The following NKTR variants were observed in gnomAD, a reference collection of about 807,000 sequenced individuals.
The protein encoded by NKTR is NK-tumor recognition protein.
Under a neutral mutation model 156.3 loss-of-function variants are expected in NKTR, and 67 were observed. The ratio of observed to expected loss-of-function variants is 0.43; its 90% confidence interval spans 0.35 to 0.53. The LOEUF (loss-of-function observed/expected upper bound fraction) is 0.53, where lower values mean the gene tolerates loss of function less well. NKTR is among the 20% of genes least tolerant of loss of function. The probability of loss-of-function intolerance (pLI) is 0.01; values close to 1 mark genes in which losing one functional copy is unlikely to be tolerated. For synonymous variants in NKTR, 640 were observed against 596.6 expected (o/e 1.07, Z -1.06); for missense variants, 1,604 against 1,730.9 (o/e 0.93, Z 1.30).
At chr3:42,618,838 G>T (rs1474531) in intron 3 of NKTR, among the ~76,000 whole-genome samples, 182 bp from the exon 4 acceptor site, 152,332 of 152,334 alleles carry the variant, frequency 1, 76,165 homozygotes, top group Middle Eastern at 1. Flanking sequence ...TGCTGCTTTG[G>T]ATTATTTATT....
chr3:42,637,261 C>T lies in NKTR; in HGVS notation c.1557C>T (p.Tyr519=). The T allele has an allele frequency of 6.2e-7, 1 of 1,613,580 alleles. No individual in the cohort carries two copies. Among genetic ancestry groups the T allele is most frequent in the Non-Finnish European group, 8.5e-7 (1 of 1,179,866 alleles). The stretch of plus-strand genomic sequence containing the variant: ...TAACCCATTCCAGCAGAGACTCATA[C>T]AGATCAAAATCTCACTCACAGTCTT... ...SSLTHSSRDS[Y]RSKSHSQSYS... Residue 519 remains tyrosine (Y), a synonymous_variant, in exon 13 of 17, where the codon TAC becomes TAT. Transcript: ENST00000232978.
rs1446021017 is a variant in NKTR at position 42,647,648 on chromosome 3, G to A, written c.*1673G>A. The stretch of plus-strand genomic sequence containing the variant: ...GGCCAAACAAACAATACTGGATACT[G>A]AATACAAAACAGTATGATTTATATT... On this transcript the variant is annotated 3_prime_UTR_variant, in exon 17 of 17. Coordinates refer to ENST00000232978, the MANE Select transcript of NKTR (RefSeq NM_005385.4). 6.6e-6 allele frequency: 1 copy of A among 152,092 alleles called. No individual in the cohort carries two copies. Among genetic ancestry groups the A allele is most frequent in the Admixed American group, 6.5e-5 (1 of 15,272 alleles). 9.4% of individuals were successfully genotyped at this position (152,092 alleles called of 1,614,324 possible).
At chr3:42,634,734 A>T in intron 11 of NKTR, 34 bp downstream of exon 11, 1 of 1,205,282 alleles carries the variant, frequency 8.3e-7, no homozygotes, top group Non-Finnish European at 1.2e-6. Context: ...GATATTATGT[A>T]TCTAATAAAA....
intron 2 of NKTR, chr3:42,602,688 A>G (rs1159836427): frequency 8.0e-6 from 1 of 124,804 alleles, no homozygotes; most frequent in Non-Finnish European, 1.8e-5. Flanking sequence ...CTTAATCTTT[A>G]TTTTGTAGTG....
Position 42,637,588 on chromosome 3 carries a change from C to T in NKTR, c.1884C>T (p.Pro628=), listed in dbSNP as rs267599825. 6.2e-7 allele frequency: 1 copy of T among 1,610,406 alleles called. No homozygotes were observed. The highest frequency in any genetic ancestry group is 8.5e-7 in the Non-Finnish European group (1 of 1,179,030). Residue 628 remains proline (P), a synonymous_variant, in exon 13 of 17, where the codon CCC becomes CCT. Coordinates refer to ENST00000232978, the MANE Select transcript of NKTR (RefSeq NM_005385.4). ...AGCCTGGACAGAAACCTTGGAAGCC[C>T]TCTTATGAGCGAATTCAGGAAATGA... ...RWKPGQKPWK[P]SYERIQEMKA... is the part of the protein sequence containing the mutation.
chr3:42,604,538 T>C (rs2125757307), intron 2 of NKTR, among the ~76,000 whole-genome samples: 1 of 152,156 alleles, frequency 6.6e-6, no homozygotes, highest in East Asian at 1.9e-4. Context: ...CAGTTGGCTA[T>C]TAGTGTTGGT....
chr3:42,637,117 C>T lies in NKTR; in HGVS notation c.1413C>T (p.Ser471=), dbSNP rs761438607. 6.2e-7 allele frequency: 1 copy of T among 1,607,242 alleles called. No individual in the cohort carries two copies. Among genetic ancestry groups the T allele is most frequent in the South Asian group, 1.1e-5 (1 of 89,706 alleles). The change falls in exon 13 of 17, where the codon TCC becomes TCT. Residue 471 remains serine, a synonymous_variant. Transcript: ENST00000232978. The part of the protein sequence containing the change: ...IPSDIESSKS[S]TRRMKSSCDR... ...CTGACATAGAATCCTCAAAATCTTC[C>T]ACTCGAAGAATGAAATCCTCTTGTG...
intron 2 of NKTR, among the ~76,000 whole-genome samples, chr3:42,614,586 A>C (rs1358812136): frequency 1.3e-5 from 2 of 152,196 alleles, no homozygotes; most frequent in African/African-American, 4.8e-5. Flanking sequence ...AATGAGCTTC[A>C]GTTCAAGTTA....
chr3:42,632,589 G>A lies in NKTR; in HGVS notation c.551-12G>A. ...ATTTAGTACTAATGTTTTTATTAAT[G>A]TTTCTTAAAAGTTTTTGAGAAAAAA... On this transcript the variant is annotated splice_polypyrimidine_tract_variant and intron_variant, in intron 8 of 16. Transcript: ENST00000232978. 6.4e-7 allele frequency: 1 copy of A among 1,555,972 alleles called. No homozygotes were observed. Among genetic ancestry groups the A allele is most frequent in the Non-Finnish European group, 8.8e-7 (1 of 1,139,882 alleles).
At position 42,600,969 on chromosome 3, in the gene NKTR, C is replaced by G. The variant is rs1705355405; in HGVS notation, c.-23-15C>G. The G allele has an allele frequency of 2.0e-6, 3 of 1,505,718 alleles. No homozygotes were observed. Among genetic ancestry groups the G allele is most frequent in the Middle Eastern group, 2.4e-4 (1 of 4,214 alleles). The allele number at this position is 1,505,718 out of a possible 1,614,324, so 93.3% of individuals were successfully genotyped here. On this transcript the variant is annotated splice_polypyrimidine_tract_variant and intron_variant, in intron 1 of 16. Transcript: ENST00000232978. ...TCGCCCCTGCCCTGACCGCTTTTCT[C>G]CCCCTCTCTCCCAGCTCTTGCCGCC...
At chr3:42,630,144 TAGG>T (rs768410289) in intron 6 of NKTR, 568 of 1,001,920 alleles carry the variant, frequency 5.7e-4, no homozygotes, top group Admixed American at 1.1e-3. Context: ...ATAGGGCAAA[TAGG>T]AGGTGCTTTT....
chr3:42,604,051 A>T (rs1278339979), intron 2 of NKTR, among the ~76,000 whole-genome samples: 1 of 152,098 alleles, frequency 6.6e-6, no homozygotes, highest in Non-Finnish European at 1.5e-5. Context: ...GTTTTTATTA[A>T]AGAAATTGGT....
At chr3:42,629,533 G>A (rs1350791426) in intron 6 of NKTR, 1 of 983,912 alleles carries the variant, frequency 1.0e-6, no homozygotes, top group Non-Finnish European at 1.2e-6. Context: ...AATGAATACA[G>A]AAATTTATAT....
In NKTR at chr3:42,643,398, A is replaced by G. The variant is rs1399800686; in HGVS notation, c.4199+3A>G. On this transcript the variant is annotated splice_donor_region_variant and intron_variant, in intron 15 of 16. Transcript: ENST00000232978. ...TATGATCCCCACAGTCGATCCAGGT[A>G]TGAACAGGGATTGGGAAACCACCAG... 2 of 1,613,004 alleles carry G rather than the reference A, an allele frequency of 1.2e-6. No individual in the cohort carries two copies. Among genetic ancestry groups the G allele is most frequent in the Non-Finnish European group, 8.5e-7 (1 of 1,179,062 alleles).
intron 13 of NKTR, among the ~76,000 whole-genome samples, chr3:42,640,385 CTA>C (rs1273585927): frequency 2.0e-5 from 3 of 152,158 alleles, no homozygotes; most frequent in African/African-American, 4.8e-5. Context: ...GAATTAAAAA[CTA>C]AAAATATTTG....
rs1207947248 is a variant in NKTR, at chr3:42,635,213, T to C, written c.1018-8T>C. The C allele has an allele frequency of 5.6e-6, 9 of 1,606,998 alleles. No homozygotes were observed. Among genetic ancestry groups the C allele is most frequent in the African/African-American group, 1.3e-5 (1 of 74,392 alleles). On this transcript the variant is annotated splice_region_variant and splice_polypyrimidine_tract_variant and intron_variant, in intron 11 of 16. Coordinates refer to ENST00000232978, the MANE Select transcript of NKTR (RefSeq NM_005385.4). Reference sequence around the variant, plus strand: ...TTTTTTAAAATACTATTGTTTTTGTTTTTAAAGCGCTATCACACACCTCCA... The same window carrying C: ...TTTTTTAAAATACTATTGTTTTTGTCTTTAAAGCGCTATCACACACCTCCA...
chr3:42,633,283 C>T lies in NKTR; in HGVS notation c.774-297C>T, dbSNP rs1018131939. The T allele has an allele frequency of 1.3e-5, 11 of 864,962 alleles. No homozygotes were observed. The African/African-American group carries it at 2.0e-4, about 15-fold the overall frequency. 53.6% of individuals were successfully genotyped at this position (864,962 alleles called of 1,614,324 possible). A position where few individuals can be genotyped will look rare whatever the true frequency, so the allele number is the denominator to read the frequency against. On this transcript the variant is annotated intron_variant, in intron 9 of 16. Transcript: ENST00000232978. The stretch of plus-strand genomic sequence containing the variant: ...TCTCTGACTCCTGTCCTCAAGCAAT[C>T]CTCCCACCTAAGACCCCTAAAGTAC...
chr3:42,628,786 G>A (rs569600538), intron 6 of NKTR: 1 of 646,644 alleles, frequency 1.5e-6, no homozygotes, highest in African/African-American at 2.0e-5. Context: ...TGGATCACCT[G>A]AGGTCAGGAG....
In NKTR at chr3:42,614,395, G is replaced by A. The variant is rs542801026; in HGVS notation, c.59-3175G>A. On this transcript the variant is annotated intron_variant, in intron 2 of 16. Transcript: ENST00000232978. Reference sequence around the variant, plus strand: ...ATCATAGTTTATGCTTGCCATCACCGAAAATATTTACTAACTAAACTAGTG... The same window carrying A: ...ATCATAGTTTATGCTTGCCATCACCAAAAATATTTACTAACTAAACTAGTG... Among the ~76,000 whole-genome samples, 7 of 149,820 alleles carry A rather than the reference G, an allele frequency of 4.7e-5. 1 individual carries two copies. In the South Asian group the frequency reaches 8.4e-4, roughly 18 times the overall value.
Sources: allele counts gnomAD v4.1 joint callset (sites outside exome capture counted in the v4.1 genomes callset), GRCh38; gene constraint gnomAD v4.1.1; transcripts MANE v1.5; gene names NCBI Gene and HGNC (gene_info 2026-07-23, HGNC 2026-07-21).